Variants in PDE11A observed in about 807,000 individuals in gnomAD.
PDE11A encodes the protein phosphodiesterase 11A, also known as dual 3',5'-cyclic-AMP and -GMP phosphodiesterase 11A.
PDE11A carries 100 observed loss-of-function variants against 100.5 expected under a neutral mutation model. That is an observed-to-expected ratio of 1.00 (90% CI 0.85 to 1.18). The LOEUF (loss-of-function observed/expected upper bound fraction) is 1.18, where lower values mean the gene tolerates loss of function less well. Among genes scored for constraint, PDE11A ranks in the 50% most tolerant of loss-of-function variants. PDE11A has a pLI of 0.00. For synonymous variants in PDE11A, 381 were observed against 420.8 expected (o/e 0.91, Z 1.16); for missense variants, 1,141 against 1,152.6 (o/e 0.99, Z 0.15).
At chr2:177,918,254 A>G (rs533764209) in intron 2 of PDE11A, among the ~76,000 whole-genome samples, 172 of 152,354 alleles carry the variant, frequency 1.1e-3, no homozygotes, top group Non-Finnish European at 1.9e-3. Context: ...CTTACAAACT[A>G]AGATGCTAGC....
At chr2:177,778,665 A>G (rs1296164824) in intron 9 of PDE11A, among the ~76,000 whole-genome samples, 1 of 152,244 alleles carries the variant, frequency 6.6e-6, no homozygotes, top group Non-Finnish European at 1.5e-5. Flanking sequence ...ACAAGGAATG[A>G]AAAGCCAATT....
chr2:177,864,310 T>C (rs905499222), intron 5 of PDE11A, among the ~76,000 whole-genome samples: 1 of 152,116 alleles, frequency 6.6e-6, no homozygotes, highest in East Asian at 1.9e-4. Context: ...CACAATTGTA[T>C]TGTATGTGGA....
chr2:177,720,011 A>G (rs1345724114), intron 12 of PDE11A, among the ~76,000 whole-genome samples: 5 of 151,634 alleles, frequency 3.3e-5, no homozygotes, highest in African/African-American at 7.3e-5. Context: ...GGTGCCTTCA[A>G]TCACCCCCAA....
chr2:177,830,601 AAATAATAATAATAATAAT>A (rs56365605), intron 6 of PDE11A, among the ~76,000 whole-genome samples: 1,765 of 140,014 alleles, frequency 0.013, 40 homozygotes, highest in African/African-American at 0.044. Flanking sequence ...ACTCCATCTC[AAATAATAATAATAATAAT>A]AATAATAATA....
chr2:177,779,701 C>T lies in PDE11A; in HGVS notation c.1738-10328G>A, dbSNP rs149333777. ...TCCACTTGTAATTCTAGTTCTCTTG[C>T]TATTTCCACCACATCTGCAGTTACT... On this transcript the variant is annotated intron_variant, in intron 9 of 19. Transcript: ENST00000286063. Among the ~76,000 whole-genome samples the T allele has an allele frequency of 2.5e-3, 387 of 152,312 alleles. 3 individuals carry two copies. The highest frequency in any genetic ancestry group is 8.9e-3 in the African/African-American group (371 of 41,568).
chr2:177,680,388 C>T (rs2080845054), intron 16 of PDE11A, among the ~76,000 whole-genome samples: 1 of 152,140 alleles, frequency 6.6e-6, no homozygotes, highest in Non-Finnish European at 1.5e-5. Flanking sequence ...AGAACAGACT[C>T]CTTATCTCCA....
At chr2:178,053,404 A>G in intron 1 of PDE11A, among the ~76,000 whole-genome samples, 1 of 152,226 alleles carries the variant, frequency 6.6e-6, no homozygotes, top group East Asian at 1.9e-4. Flanking sequence ...CACAGCCAAT[A>G]TCATACTGAA....
At chr2:177,893,713 C>A (rs1439577124) in intron 4 of PDE11A, among the ~76,000 whole-genome samples, 1 of 151,978 alleles carries the variant, frequency 6.6e-6, no homozygotes, top group Non-Finnish European at 1.5e-5. Flanking sequence ...ATCATAAATA[C>A]CAGGGGCATC....
chr2:177,812,425 C>T (rs913785046), intron 9 of PDE11A, among the ~76,000 whole-genome samples: 1 of 152,064 alleles, frequency 6.6e-6, no homozygotes, highest in South Asian at 2.1e-4. Flanking sequence ...GGGACACTGA[C>T]ACAAAGCAAG....
chr2:177,979,738 G>A (rs181810886), intron 2 of PDE11A, among the ~76,000 whole-genome samples: 4 of 147,590 alleles, frequency 2.7e-5, no homozygotes, highest in South Asian at 2.2e-4. Context: ...AGCCTCCCGC[G>A]TAGCTGGGAC....
intron 17 of PDE11A, 137 bp from the exon 18 acceptor site, chr2:177,669,704 C>T (rs1436378023): frequency 6.0e-6 from 4 of 666,066 alleles, no homozygotes; most frequent in East Asian, 2.6e-5. Context: ...AGTATATTAA[C>T]CTTTCATGTT....
At chr2:177,869,266 CTCA>C (rs1177328820) in intron 5 of PDE11A, among the ~76,000 whole-genome samples, 3 of 152,234 alleles carry the variant, frequency 2.0e-5, no homozygotes, top group Non-Finnish European at 4.4e-5. Context: ...GGATTTGCTG[CTCA>C]GGCTCTTATA....
chr2:178,107,728 T>C (rs1354485159), intron 1 of PDE11A, among the ~76,000 whole-genome samples: 1 of 147,408 alleles, frequency 6.8e-6, no homozygotes, highest in Non-Finnish European at 1.5e-5. Context: ...TTTCTTTTTT[T>C]TTTTTTTTTT....
intron 5 of PDE11A, among the ~76,000 whole-genome samples, chr2:177,851,493 A>G (rs1365331901): frequency 6.6e-6 from 1 of 152,132 alleles, no homozygotes; most frequent in Non-Finnish European, 1.5e-5. Flanking sequence ...TATGTAACAA[A>G]CCTGCACGTT....
chr2:178,099,176 A>G (rs1356359567), intron 2 of PDE11A, among the ~76,000 whole-genome samples: 1 of 152,250 alleles, frequency 6.6e-6, no homozygotes, highest in African/African-American at 2.4e-5. Context: ...CTGTAATCCC[A>G]GCACTTTGGG....
At chr2:177,997,258 C>G in intron 2 of PDE11A, 1 of 1,218,640 alleles carries the variant, frequency 8.2e-7, no homozygotes. Context: ...TCTACTTTCC[C>G]TGAAGGCTCC....
At chr2:177,972,334 T>G (rs1266296617) in intron 2 of PDE11A, among the ~76,000 whole-genome samples, 1 of 152,298 alleles carries the variant, frequency 6.6e-6, no homozygotes, top group African/African-American at 2.4e-5. Flanking sequence ...CAGTTATTGC[T>G]CTAAGATCAA....
At chr2:178,007,152 G>T (rs1282826111) in intron 2 of PDE11A, among the ~76,000 whole-genome samples, 1 of 152,082 alleles carries the variant, frequency 6.6e-6, no homozygotes, top group Non-Finnish European at 1.5e-5. Context: ...TATTGATAAG[G>T]CAAGAAGGTT....
At position 177,675,485 on chromosome 2, in the gene PDE11A, G is replaced by A. The variant is rs757379077; in HGVS notation, c.2457C>T (p.Ala819=). 11 of 1,613,208 alleles carry A rather than the reference G, an allele frequency of 6.8e-6. No homozygotes were observed. The highest frequency in any genetic ancestry group is 1.6e-4 in the Middle Eastern group (1 of 6,072). The change falls in exon 17 of 20, where the codon GCC becomes GCT. Residue 819 remains alanine (A), a synonymous_variant. Coordinates refer to ENST00000286063, the MANE Select transcript of PDE11A (RefSeq NM_016953.4). ...SMLMTACDLG[A]VTKPWEISRQ... is the part of the protein sequence containing the mutation. ...TGGAGATCTCCCACGGTTTGGTCACGGCTCCAAGGTCACAGGCTGTCATTA... is the reference window on the plus strand; with the variant it reads ...TGGAGATCTCCCACGGTTTGGTCACAGCTCCAAGGTCACAGGCTGTCATTA...
Sources: allele counts gnomAD v4.1 joint callset (sites outside exome capture counted in the v4.1 genomes callset), GRCh38; gene constraint gnomAD v4.1.1; transcripts MANE v1.5; gene names NCBI Gene and HGNC (gene_info 2026-07-23, HGNC 2026-07-21).